The following UIMC1 variants were observed in gnomAD, a reference collection of about 807,000 sequenced individuals.
UIMC1 encodes ubiquitin interaction motif containing 1.
Under a neutral mutation model 84.9 loss-of-function variants are expected in UIMC1, and 42 were observed. The observed-to-expected ratio is 0.49, with a 90% CI of 0.39 to 0.64. The LOEUF is 0.64. UIMC1 is among the 30% of genes least tolerant of loss of function. The pLI is 0.00. For synonymous variants in UIMC1, 281 were observed against 293.0 expected, an observed-to-expected ratio of 0.96 and a Z score of 0.42; for missense variants, 825 against 847.6, an observed-to-expected ratio of 0.97 and a Z score of 0.33.
chr5:176,932,804 G>A (rs759364313), intron 10 of UIMC1, among the ~76,000 whole-genome samples: 3 of 148,874 alleles, frequency 2.0e-5, no homozygotes, highest in South Asian at 2.1e-4. Context: ...TGACCAGGCC[G>A]CACCTCCTCT....
chr5:176,923,756 C>G (rs1226821638), intron 10 of UIMC1, among the ~76,000 whole-genome samples: 1 of 148,950 alleles, frequency 6.7e-6, no homozygotes, highest in Non-Finnish European at 1.5e-5. Flanking sequence ...CCCAGCTACT[C>G]AGGAGGCTGA....
At chr5:176,905,932 A>C (rs746986143) in intron 14 of UIMC1, 79 bp downstream of exon 14, 2 of 1,467,824 alleles carry the variant, frequency 1.4e-6, no homozygotes, top group Non-Finnish European at 1.9e-6. Context: ...TGAGTATCAC[A>C]CTACACACAG....
intron 1 of UIMC1, among the ~76,000 whole-genome samples, chr5:177,021,459 CAAGGTATTTTAGATAGAGTAGCCAGAG>C (rs1294669484): frequency 6.6e-6 from 1 of 151,998 alleles, no homozygotes; most frequent in Admixed American, 6.6e-5. Context: ...GATAGCCAGA[CAAGGTATTTTAGATAGAGTAGCCAGAG>C]AAGGAAGTGG....
Position 176,968,908 on chromosome 5 carries a change from A to G in UIMC1, c.847T>C (p.Cys283Arg). 1 of 1,614,172 alleles carries G rather than the reference A, an allele frequency of 6.2e-7. No individual in the cohort carries two copies. The highest frequency in any genetic ancestry group is 8.5e-7 in the Non-Finnish European group (1 of 1,180,008). Residue 283 changes from cysteine to arginine, a missense_variant, in exon 6 of 15, where the codon TGC becomes CGC. Cys to Arg is a radical substitution (Grantham distance 180). Coordinates refer to ENST00000511320, the MANE Select transcript of UIMC1 (RefSeq NM_001199298.2). ...TGGTTAGGGTCTACTCCATCAGGGC[A>G]GAATGGAATACCCCAGAAATAGTTC... ...TVNYFWGIPF[C>R]PDGVDPNQYT... is the part of the protein sequence containing the mutation.
rs188335855 is a variant in UIMC1 at position 176,972,809 on chromosome 5, T to C, written c.233-1943A>G. On this transcript the variant is annotated intron_variant, in intron 3 of 14. Transcript: ENST00000511320. Reference sequence around the variant, plus strand: ...TCAAGAACAAAAACACAACAACAATTAACAATACCGACAATAAAAGAGGAA... The same window carrying C: ...TCAAGAACAAAAACACAACAACAATCAACAATACCGACAATAAAAGAGGAA... Among the ~76,000 whole-genome samples, 230 of 151,940 alleles carry C rather than the reference T, an allele frequency of 1.5e-3. 1 individual carries two copies. Among genetic ancestry groups the C allele is most frequent in the African/African-American group, 5.2e-3 (216 of 41,444 alleles).
intron 10 of UIMC1, 43 bp from the exon 11 acceptor site, chr5:176,911,432 C>G: frequency 7.5e-7 from 1 of 1,330,070 alleles, no homozygotes; most frequent in Non-Finnish European, 9.9e-7. Flanking sequence ...TAGTTAGCTG[C>G]CAGTAGACTC....
At chr5:176,998,466 C>CAAAAAA (rs35445945) in intron 1 of UIMC1, among the ~76,000 whole-genome samples, 2,017 of 63,646 alleles carry the variant, frequency 0.032, 409 homozygotes, top group African/African-American at 0.1. Context: ...GACTCTGTCT[C>CAAAAAA]AAAAAAAAAA....
At chr5:176,989,329 G>A (rs182332553) in intron 1 of UIMC1, among the ~76,000 whole-genome samples, 2 of 152,194 alleles carry the variant, frequency 1.3e-5, no homozygotes, top group Non-Finnish European at 1.5e-5. Context: ...TGCATTTAAT[G>A]CATATTTTTA....
rs1561712665 is a variant in UIMC1, at chr5:176,911,175, GAAAA to G, written c.1676+132_1676+135del. 54 of 167,562 alleles carry G rather than the reference GAAAA, an allele frequency of 3.2e-4. 3 individuals carry two copies. Among genetic ancestry groups the G allele is most frequent in the African/African-American group, 2.6e-3 (48 of 18,554 alleles). The allele number at this position is 167,562 out of a possible 1,614,324, so 10.4% of individuals were successfully genotyped here. A position where few individuals can be genotyped will look rare whatever the true frequency, so the allele number is the denominator to read the frequency against. ...GAAAAGAAAAGAAAAGAAAAGAAAA[GAAAA>G]TTCAGGCATCCAAGCAATGAAGCAA... is the stretch of plus-strand genomic sequence containing the variant. On this transcript the variant is annotated intron_variant, in intron 11 of 14. Coordinates refer to ENST00000511320, the MANE Select transcript of UIMC1 (RefSeq NM_001199298.2).
chr5:176,994,746 G>A (rs949317802), intron 1 of UIMC1, among the ~76,000 whole-genome samples: 11 of 152,056 alleles, frequency 7.2e-5, no homozygotes, highest in Admixed American at 6.6e-5. Flanking sequence ...GTGACAGTGC[G>A]AAACTCATGG....
At chr5:176,938,987 T>A (rs1431331272) in intron 10 of UIMC1, among the ~76,000 whole-genome samples, 5 of 150,286 alleles carry the variant, frequency 3.3e-5, no homozygotes, top group African/African-American at 1.2e-4. Context: ...GCAAGGTGGC[T>A]CACACCTGTA....
intron 2 of UIMC1, among the ~76,000 whole-genome samples, chr5:176,979,551 C>T (rs1175165011): frequency 2.0e-5 from 3 of 150,722 alleles, no homozygotes; most frequent in South Asian, 2.1e-4. Context: ...CGCAGTGAGC[C>T]GAGATTGCAC....
chr5:176,925,044 A>AG (rs1762216475), intron 10 of UIMC1, among the ~76,000 whole-genome samples: 1 of 152,004 alleles, frequency 6.6e-6, no homozygotes, highest in South Asian at 2.1e-4. Flanking sequence ...AAAAAAAAAA[A>AG]AAAGAAAGCA....
intron 1 of UIMC1, among the ~76,000 whole-genome samples, chr5:177,017,411 G>T (rs998281617): frequency 3.9e-5 from 6 of 152,060 alleles, no homozygotes; most frequent in Admixed American, 1.3e-4. Flanking sequence ...TTTTGAGATG[G>T]AGTCTTGCTC....
In UIMC1 at chr5:176,911,480, T is replaced by G. The variant is rs1581343813; in HGVS notation, c.1598-91A>C. On this transcript the variant is annotated intron_variant, in intron 10 of 14. Coordinates refer to ENST00000511320, the MANE Select transcript of UIMC1 (RefSeq NM_001199298.2). ...ACAAAATGCACAGGAAGAAGCAAAG[T>G]TTAAAACCTTATCCCACTGGAAGAA... The G allele has an allele frequency of 4.6e-6, 4 of 861,470 alleles. No homozygotes were observed. The East Asian group carries it at 1.3e-4, about 28-fold the overall frequency. The allele number at this position is 861,470 out of a possible 1,614,324, so 53.4% of individuals were successfully genotyped here.
chr5:176,976,884 G>A (rs1452698365), intron 2 of UIMC1, among the ~76,000 whole-genome samples: 1 of 152,192 alleles, frequency 6.6e-6, no homozygotes, highest in Non-Finnish European at 1.5e-5. Flanking sequence ...ATAGTGTGGG[G>A]TGAGGCTGAC....
At chr5:176,953,117 G>C (rs552106488) in intron 8 of UIMC1, among the ~76,000 whole-genome samples, 1 of 152,072 alleles carries the variant, frequency 6.6e-6, no homozygotes, top group Non-Finnish European at 1.5e-5. Context: ...AGGACACAGC[G>C]GGAAGTTGTC....
chr5:176,982,997 C>T (rs967076811), intron 1 of UIMC1, among the ~76,000 whole-genome samples: 6 of 152,072 alleles, frequency 3.9e-5, no homozygotes, highest in African/African-American at 1.2e-4. Flanking sequence ...CCACATCCAG[C>T]CTAATTTTTG....
chr5:176,958,786 G>T (rs750530874), intron 6 of UIMC1, among the ~76,000 whole-genome samples: 9 of 152,188 alleles, frequency 5.9e-5, no homozygotes, highest in Non-Finnish European at 1.0e-4. Flanking sequence ...CATAAGGAAA[G>T]ATTATTTTCA....
Sources: gnomAD v4.1 joint callset for allele counts (sites outside exome capture counted in the v4.1 genomes callset) on GRCh38, gnomAD v4.1.1 for gene constraint, MANE v1.5 for transcripts, NCBI Gene and HGNC (gene_info 2026-07-23, HGNC 2026-07-21) for gene names.